Variants in DMD observed in about 807,000 individuals in gnomAD.
The protein encoded by DMD is dystrophin.
In DMD, 63 loss-of-function variants were observed where a neutral mutation model predicts 330.1. The ratio of observed to expected loss-of-function variants is 0.19; its 90% CI spans 0.16 to 0.24. DMD has a LOEUF of 0.24. Ranked by LOEUF, DMD falls within the 10% of genes least tolerant of loss-of-function variation. The pLI, the probability that DMD is intolerant of heterozygous loss-of-function variation, is 1.00. For missense variants in DMD, 3,344 were observed against 2,684.1 expected (o/e 1.25, Z -5.43); for synonymous variants, 1,223 against 959.8 (o/e 1.27, Z -5.07).
chrX:31,960,306 A>T lies in DMD; in HGVS notation c.6614+8033T>A, dbSNP rs777436064. ...ACATGGTACCAGAAAGGATACTTGA[A>T]CACCTTTCAAAAACATCAATAGGTT... On this transcript the variant is annotated intron_variant, in intron 45 of 78. Transcript: ENST00000357033. 4.5e-5 allele frequency among the ~76,000 whole-genome samples: 5 copies of T among 111,334 alleles called. No individual in the cohort carries two copies. The South Asian group carries it at 1.5e-3, about 34-fold the overall frequency.
chrX:31,441,950 A>C (rs1258525990), intron 60 of DMD, among the ~76,000 whole-genome samples: 1 of 112,221 alleles, frequency 8.9e-6, no homozygotes. Context: ...TGCTAAAAAC[A>C]CTTTTTAAGC....
intron 11 of DMD, among the ~76,000 whole-genome samples, chrX:32,633,261 C>G (rs1569350470): frequency 3.6e-5 from 4 of 111,787 alleles, no homozygotes; most frequent in Admixed American, 9.5e-5. Flanking sequence ...GAGATCATCA[C>G]TCTCAAGTTC....
rs199868618 is a variant in DMD, at chrX:32,122,891, T to A, written c.6438+94025A>T. Reference sequence around the variant, plus strand: ...TCACATTGAACATTACAAGATAAATTAAAATAATTTTATCTAAGTAAATGT... The same window carrying A: ...TCACATTGAACATTACAAGATAAATAAAAATAATTTTATCTAAGTAAATGT... On this transcript the variant is annotated intron_variant, in intron 44 of 78. Coordinates refer to ENST00000357033, the MANE Select transcript of DMD (RefSeq NM_004006.3). 6.4e-4 allele frequency among the ~76,000 whole-genome samples: 71 copies of A among 110,645 alleles called. 1 individual carries two copies. The East Asian group carries it at 0.016, about 25-fold the overall frequency.
chrX:31,149,521 T>G (rs974525458), intron 74 of DMD, among the ~76,000 whole-genome samples: 2 of 112,517 alleles, frequency 1.8e-5, no homozygotes, highest in Admixed American at 1.9e-4. Flanking sequence ...ATTGAATTCA[T>G]AGGTTAAACT....
chrX:31,728,075 T>C (rs1012841415), intron 52 of DMD, among the ~76,000 whole-genome samples: 2 of 112,408 alleles, frequency 1.8e-5, no homozygotes, highest in African/African-American at 6.5e-5. Flanking sequence ...CAGGCTGGAG[T>C]GCAGTGGCGC....
chrX:33,013,129 A>C (rs2093731661), intron 2 of DMD, among the ~76,000 whole-genome samples: 1 of 110,513 alleles, frequency 9.0e-6, no homozygotes, highest in Non-Finnish European at 1.9e-5. Flanking sequence ...TCCCAACAAT[A>C]ATAGGTATGG....
chrX:31,684,648 T>G (rs992143457), intron 52 of DMD, among the ~76,000 whole-genome samples: 1 of 112,270 alleles, frequency 8.9e-6, no homozygotes, highest in Admixed American at 9.5e-5. Flanking sequence ...CATTGCTTCT[T>G]GTTTAAGATG....
chrX:32,813,526 G>A (rs2077515952), intron 6 of DMD, among the ~76,000 whole-genome samples: 1 of 111,894 alleles, frequency 8.9e-6, no homozygotes, highest in Admixed American at 9.5e-5. Context: ...GAACTTGATT[G>A]AATATTTTAC....
intron 2 of DMD, among the ~76,000 whole-genome samples, chrX:32,854,586 A>G (rs114084906): frequency 0.021 from 2,232 of 107,466 alleles, 25 homozygotes; most frequent in African/African-American, 0.033. Flanking sequence ...AAAAAAAAAA[A>G]AGAGAAACAA....
rs1389105149 is a variant in DMD, at chrX:31,350,630, TGTGAGAGAGAGAGAGA to T, written c.9085-2012_9085-1997del. On this transcript the variant is annotated intron_variant, in intron 60 of 78. Coordinates refer to ENST00000357033, the MANE Select transcript of DMD (RefSeq NM_004006.3). ...GTGTGTGTGTGTGTGTGTGTGTGTG[TGTGAGAGAGAGAGAGA>T]GAGAGAGAGAGAGAAGAGAAGAGAA... Among the ~76,000 whole-genome samples, 453 of 47,473 alleles carry T rather than the reference TGTGAGAGAGAGAGAGA, an allele frequency of 9.5e-3. 2 individuals are homozygous for T. The highest frequency in any genetic ancestry group is 0.03 in the African/African-American group (434 of 14,498). The allele number at this position is 47,473 out of a possible 115,157, so 41.2% of individuals were successfully genotyped here.
intron 63 of DMD, among the ~76,000 whole-genome samples, chrX:31,239,718 C>T (rs2048063716): frequency 8.9e-6 from 1 of 112,007 alleles, no homozygotes; most frequent in African/African-American, 3.2e-5. Context: ...TAATTTTCCC[C>T]TGTTAAGAGT....
intron 37 of DMD, among the ~76,000 whole-genome samples, chrX:32,355,565 C>A: frequency 8.9e-6 from 1 of 111,740 alleles, no homozygotes. Flanking sequence ...TACACATCTA[C>A]TTTAAAAATA....
At chrX:33,145,837 T>C (rs1414296532) in intron 1 of DMD, among the ~76,000 whole-genome samples, 1 of 110,729 alleles carries the variant, frequency 9.0e-6, no homozygotes, top group Admixed American at 9.7e-5. Context: ...AATTCAGTGA[T>C]ATATAGTATA....
At chrX:31,338,031 C>T (rs137931001) in intron 61 of DMD, among the ~76,000 whole-genome samples, 6 of 111,239 alleles carry the variant, frequency 5.4e-5, no homozygotes, top group African/African-American at 2.0e-4. Context: ...GTTCACCCAG[C>T]CGCAGTTGTT....
At chrX:32,399,659 G>A (rs1317078618) in intron 30 of DMD, among the ~76,000 whole-genome samples, 1 of 111,026 alleles carries the variant, frequency 9.0e-6, no homozygotes, top group Non-Finnish European at 1.9e-5. Flanking sequence ...AACCACTATG[G>A]AAAACAAGTT....
chrX:33,016,521 C>G (rs1411426849), intron 2 of DMD, among the ~76,000 whole-genome samples: 1 of 111,370 alleles, frequency 9.0e-6, no homozygotes, highest in Non-Finnish European at 1.9e-5. Context: ...GAATAAGCAG[C>G]CCAATCCTCA....
chrX:32,511,997 A>G (rs922977541), intron 18 of DMD, among the ~76,000 whole-genome samples: 1 of 112,030 alleles, frequency 8.9e-6, no homozygotes, highest in African/African-American at 3.2e-5. Context: ...GAAATGAGTG[A>G]TTATTGTGGG....
intron 7 of DMD, among the ~76,000 whole-genome samples, chrX:32,742,653 A>G (rs768885606): frequency 1.8e-4 from 20 of 111,869 alleles, no homozygotes; most frequent in Non-Finnish European, 3.6e-4. Flanking sequence ...ATGAGACCTA[A>G]GCAATGAGAA....
At chrX:31,786,948 T>C (rs965588224) in intron 50 of DMD, among the ~76,000 whole-genome samples, 1 of 112,489 alleles carries the variant, frequency 8.9e-6, no homozygotes, top group Non-Finnish European at 1.9e-5. Context: ...GTGCAACTTT[T>C]TGTCTCAGAG....
Sources: gnomAD v4.1 joint callset for allele counts (sites outside exome capture counted in the v4.1 genomes callset) on GRCh38, gnomAD v4.1.1 for gene constraint, MANE v1.5 for transcripts, NCBI Gene and HGNC (gene_info 2026-07-23, HGNC 2026-07-21) for gene names.